DNAI7: variants seen among roughly 807,000 people sequenced by gnomAD.
The protein encoded by DNAI7 is cancer susceptibility 1.
In DNAI7, 78 loss-of-function variants were observed where a neutral mutation model predicts 86.6. The observed-to-expected ratio is 0.90, with a 90% CI of 0.75 to 1.09. DNAI7 has a LOEUF of 1.09. Among genes scored for constraint, DNAI7 ranks in the 50% least tolerant of loss-of-function variants. The pLI is 0.00. For synonymous variants in DNAI7, 274 were observed against 273.0 expected, an observed-to-expected ratio of 1.00 and a Z score of -0.04; for missense variants, 753 against 810.2, an observed-to-expected ratio of 0.93 and a Z score of 0.86.
At chr12:25,113,149 C>T (rs1939298119) in intron 13 of DNAI7, among the ~76,000 whole-genome samples, 1 of 152,150 alleles carries the variant, frequency 6.6e-6, no homozygotes. Context: ...CACATAACCT[C>T]CTAACCTCTA....
At chr12:25,159,149 C>T (rs1946555842) in intron 3 of DNAI7, among the ~76,000 whole-genome samples, 1 of 152,208 alleles carries the variant, frequency 6.6e-6, no homozygotes. Context: ...GCCATTGTCT[C>T]TTCTTTGCTT....
downstream of DNAI7, chr12:25,108,179 T>TAAGA (rs1487000192): frequency 4.5e-6 from 5 of 1,119,590 alleles, no homozygotes; most frequent in African/African-American, 7.8e-5. Flanking sequence ...AGAATGACTG[T>TAAGA]AAGATAGCTT....
intron 7 of DNAI7, among the ~76,000 whole-genome samples, chr12:25,147,364 C>T (rs936669234): frequency 1.3e-5 from 2 of 152,054 alleles, no homozygotes; most frequent in Non-Finnish European, 2.9e-5. Flanking sequence ...ATTAAAGTTG[C>T]TCTTAGGTTG....
chr12:25,153,947 C>T (rs1945860336), intron 6 of DNAI7, among the ~76,000 whole-genome samples: 1 of 152,064 alleles, frequency 6.6e-6, no homozygotes, highest in Non-Finnish European at 1.5e-5. Context: ...GAGTGTATAC[C>T]TGGCACCTAG....
In DNAI7 at chr12:25,161,161, G is replaced by T. The variant is rs373061521; in HGVS notation, c.58C>A (p.Arg20=). 1 of 1,613,572 alleles carries T rather than the reference G, an allele frequency of 6.2e-7. No individual in the cohort carries two copies. Among genetic ancestry groups the T allele is most frequent in the Admixed American group, 1.7e-5 (1 of 59,974 alleles). The part of the protein sequence containing the change: ...SKKKKVTKAE[R]LKLLQEEEER... Reference sequence around the variant, plus strand: ...TCCTCCTCTTGTAGCAGCTTCAATCGTTCAGCTTTGGTGACTTTCTTTTTC... The same window carrying T: ...TCCTCCTCTTGTAGCAGCTTCAATCTTTCAGCTTTGGTGACTTTCTTTTTC... Residue 20 remains arginine, a synonymous_variant, in exon 3 of 16, where the codon CGA becomes AGA. Coordinates refer to ENST00000395987, the MANE Select transcript of DNAI7 (RefSeq NM_018272.5).
At chr12:25,149,595 A>G in intron 7 of DNAI7, 33 bp downstream of exon 7, 2 of 1,490,086 alleles carry the variant, frequency 1.3e-6, no homozygotes, top group Non-Finnish European at 9.2e-7. Flanking sequence ...AGCTCTTATA[A>G]AACTTAATAT....
At chr12:25,152,783 G>A (rs952681024) in intron 6 of DNAI7, among the ~76,000 whole-genome samples, 2 of 152,170 alleles carry the variant, frequency 1.3e-5, no homozygotes, top group African/African-American at 2.4e-5. Context: ...GCACTGGATC[G>A]AAGGACACTT....
chr12:25,170,284 G>A (rs558907181), intron 2 of DNAI7, among the ~76,000 whole-genome samples: 5 of 151,902 alleles, frequency 3.3e-5, no homozygotes, highest in Non-Finnish European at 7.4e-5. Context: ...CCAGCTTCTC[G>A]GGAGGCTGAG....
intron 9 of DNAI7, among the ~76,000 whole-genome samples, chr12:25,136,698 T>G (rs374812534): frequency 1.3e-5 from 2 of 151,778 alleles, no homozygotes; most frequent in Admixed American, 6.6e-5. Context: ...TCCAGAGAAA[T>G]AGATAGCATA....
At chr12:25,178,633 C>T (rs1949203924) in intron 2 of DNAI7, among the ~76,000 whole-genome samples, 1 of 151,912 alleles carries the variant, frequency 6.6e-6, no homozygotes, top group African/African-American at 2.4e-5. Context: ...AACAGGAAGG[C>T]AAAAACAATA....
chr12:25,128,015 T>G (rs1312722693), intron 9 of DNAI7, among the ~76,000 whole-genome samples: 2 of 152,068 alleles, frequency 1.3e-5, no homozygotes, highest in African/African-American at 4.8e-5. Context: ...GATTTAAATG[T>G]AAAAACAAAA....
intron 1 of DNAI7, among the ~76,000 whole-genome samples, chr12:25,191,550 GA>G (rs933002578): frequency 1.3e-5 from 2 of 151,452 alleles, no homozygotes; most frequent in Non-Finnish European, 2.9e-5. Context: ...TAAAAATACA[GA>G]AAATTGGCCG....
intron 2 of DNAI7, among the ~76,000 whole-genome samples, chr12:25,180,488 C>T (rs191489598): frequency 3.3e-4 from 50 of 152,248 alleles, no homozygotes; most frequent in Admixed American, 3.1e-3. Context: ...CAAGGCAATC[C>T]TAAGCAAAAA....
intron 2 of DNAI7, among the ~76,000 whole-genome samples, chr12:25,176,965 C>A (rs554617961): frequency 7.2e-6 from 1 of 139,134 alleles, no homozygotes; most frequent in Admixed American, 7.7e-5. Flanking sequence ...TGCAGTGGTG[C>A]GATCTCGGCT....
intron 9 of DNAI7, among the ~76,000 whole-genome samples, chr12:25,134,216 G>A (rs1294038581): frequency 6.6e-6 from 1 of 151,844 alleles, no homozygotes; most frequent in African/African-American, 2.4e-5. Context: ...GGCTGGTCTT[G>A]AACTCCTGAG....
intron 2 of DNAI7, among the ~76,000 whole-genome samples, chr12:25,165,476 C>T (rs1947350442): frequency 6.6e-6 from 1 of 152,240 alleles, no homozygotes; most frequent in Non-Finnish European, 1.5e-5. Flanking sequence ...CAGGATTCCT[C>T]CTAAGCTGTG....
chr12:25,121,278 G>T (rs888901401), intron 11 of DNAI7, among the ~76,000 whole-genome samples: 5 of 152,138 alleles, frequency 3.3e-5, no homozygotes, highest in Admixed American at 3.3e-4. Context: ...CGGTCCCTGG[G>T]AAATCCCACT....
At chr12:25,191,387 G>A (rs1950503396) in intron 1 of DNAI7, among the ~76,000 whole-genome samples, 1 of 151,982 alleles carries the variant, frequency 6.6e-6, no homozygotes, top group South Asian at 2.1e-4. Context: ...AAGCGAGACC[G>A]CATTTCCAAA....
intron 3 of DNAI7, among the ~76,000 whole-genome samples, chr12:25,160,412 A>C (rs1946707875): frequency 6.6e-6 from 1 of 152,118 alleles, no homozygotes; most frequent in African/African-American, 2.4e-5. Flanking sequence ...TACTGACTCC[A>C]CCCTGACTCA....
Sources: gnomAD v4.1 joint callset for allele counts (sites outside exome capture counted in the v4.1 genomes callset) on GRCh38, gnomAD v4.1.1 for gene constraint, MANE v1.5 for transcripts, NCBI Gene and HGNC (gene_info 2026-07-23, HGNC 2026-07-21) for gene names.